Variants in IFT80 observed in about 807,000 individuals in gnomAD.
IFT80 encodes intraflagellar transport protein 80 homolog.
A neutral mutation model predicts 107.9 loss-of-function variants in IFT80; 79 were observed. That is an observed-to-expected ratio of 0.73 (90% CI 0.61 to 0.88). The LOEUF is 0.88. Among genes scored for constraint, IFT80 ranks in the 40% least tolerant of loss-of-function variants. The pLI is 0.00. For missense variants in IFT80, 797 were observed against 914.2 expected, an observed-to-expected ratio of 0.87 and a Z score of 1.65; for synonymous variants, 299 against 300.9, an observed-to-expected ratio of 0.99 and a Z score of 0.07.
rs900730077 is a variant in IFT80, at chr3:160,381,625, T to A, written c.137A>T (p.Glu46Val). 4 of 1,612,990 alleles carry A rather than the reference T, an allele frequency of 2.5e-6. No homozygotes were observed. The Admixed American group carries it at 5.0e-5, about 20-fold the overall frequency. The part of the protein sequence containing the change: ...QIVKWNLLTS[E>V]TTQIVKLPDD... ...AGGAAGCTTTACTATTTGAGTTGTT[T>A]CACTGGTTAACAAGTTCCACTTCAC... The change falls in exon 3 of 20, where the codon GAA becomes GTA. Residue 46 changes from glutamate (E) to valine (V), a missense_variant. Physicochemically the swap from Glu to Val is moderately radical, Grantham distance 121. Coordinates refer to ENST00000326448, the MANE Select transcript of IFT80 (RefSeq NM_020800.3).
chr3:160,357,451 A>T lies in IFT80; in HGVS notation c.639+38T>A, dbSNP rs1490451555. 4 of 1,101,522 alleles carry T rather than the reference A, an allele frequency of 3.6e-6. No homozygotes were observed. In the African/African-American group the frequency reaches 6.2e-5, roughly 17 times the overall value. 68.2% of individuals were successfully genotyped at this position (1,101,522 alleles called of 1,614,324 possible). A position where few individuals can be genotyped will look rare whatever the true frequency, so the allele number is the denominator to read the frequency against. On this transcript the variant is annotated intron_variant, in intron 7 of 19. Coordinates refer to ENST00000326448, the MANE Select transcript of IFT80 (RefSeq NM_020800.3). ...TATATGCTAAGTACTTATAAATTTG[A>T]TTATTTCAGCCAAGTGATAAATCTA... is the stretch of plus-strand genomic sequence containing the variant.
chr3:160,311,251 G>T (rs1052060028), intron 9 of IFT80, among the ~76,000 whole-genome samples: 13 of 152,160 alleles, frequency 8.5e-5, no homozygotes, highest in African/African-American at 3.1e-4. Flanking sequence ...CAAATAAATT[G>T]TAAGTAAATA....
At chr3:160,268,021 C>T (rs901867759) in intron 19 of IFT80, among the ~76,000 whole-genome samples, 10 of 152,176 alleles carry the variant, frequency 6.6e-5, no homozygotes, top group African/African-American at 2.4e-4. Flanking sequence ...TACAAAGTGA[C>T]CAACTATGCA....
At chr3:160,384,324 A>C in intron 2 of IFT80, 1 of 1,027,242 alleles carries the variant, frequency 9.7e-7, no homozygotes, top group Non-Finnish European at 1.2e-6. Flanking sequence ...TAAGTATAGT[A>C]CTTAAGTAGA....
Position 160,327,092 on chromosome 3 carries a change from A to C in IFT80, c.778-7153T>G, listed in dbSNP as rs571377757. On this transcript the variant is annotated intron_variant, in intron 8 of 19. Coordinates refer to ENST00000326448, the MANE Select transcript of IFT80 (RefSeq NM_020800.3). ...CATTCACAACTGTCACAAAAAGAATAAAATACCTAGGAATACAGCTAACAA... is the reference window on the plus strand; with the variant it reads ...CATTCACAACTGTCACAAAAAGAATCAAATACCTAGGAATACAGCTAACAA... Among the ~76,000 whole-genome samples the C allele has an allele frequency of 1.3e-3, 199 of 152,268 alleles. 1 individual carries two copies. The highest frequency in any genetic ancestry group is 4.6e-3 in the African/African-American group (191 of 41,562).
chr3:160,294,919 T>C (rs1038849875), intron 12 of IFT80, among the ~76,000 whole-genome samples: 1 of 152,244 alleles, frequency 6.6e-6, no homozygotes, highest in Non-Finnish European at 1.5e-5. Context: ...TTAAAGTAGA[T>C]GATTATTTTA....
chr3:160,329,930 C>T (rs968282108), intron 8 of IFT80, among the ~76,000 whole-genome samples: 1 of 152,040 alleles, frequency 6.6e-6, no homozygotes, highest in Non-Finnish European at 1.5e-5. Context: ...ACTTATCTTA[C>T]TTATCTCTTT....
Position 160,357,514 on chromosome 3 carries a change from GATAAA to G in IFT80, c.609_613del (p.Leu204CysfsTer3). On this transcript the variant is annotated frameshift_variant, in exon 7 of 20. Transcript: ENST00000326448. LOFTEE classifies it high-confidence loss of function. ...CTTATATTTACAGTCTTCACCAGCA[GATAAA>G]ATAAGATCATTGACCGAGTTCCAAT... is the stretch of plus-strand genomic sequence containing the variant. 1 of 1,580,710 alleles carries G rather than the reference GATAAA, an allele frequency of 6.3e-7. No homozygotes were observed. The highest frequency in any genetic ancestry group is 8.7e-7 in the Non-Finnish European group (1 of 1,150,276).
intron 1 of IFT80, 129 bp from the exon 2 acceptor site, chr3:160,384,775 A>C: frequency 1.6e-6 from 1 of 644,368 alleles, no homozygotes; most frequent in South Asian, 2.0e-5. Flanking sequence ...CATCAAGTAC[A>C]TGGAAAGAGA....
At position 160,363,320 on chromosome 3, in the gene IFT80, C is replaced by CCT. The variant is rs554950243; in HGVS notation, c.549+2721_549+2722dup. On this transcript the variant is annotated intron_variant, in intron 6 of 19. Coordinates refer to ENST00000326448, the MANE Select transcript of IFT80 (RefSeq NM_020800.3). ...TCCAACTTACAACGGATGTGAGGGA[C>CCT]CTCTTAAAGGAGAACTACAAACCAC... is the stretch of plus-strand genomic sequence containing the variant. Among the ~76,000 whole-genome samples the CCT allele has an allele frequency of 9.5e-4, 145 of 152,188 alleles. 2 individuals carry two copies. Among genetic ancestry groups the CCT allele is most frequent in the Admixed American group, 2.3e-3 (35 of 15,280 alleles).
intron 9 of IFT80, among the ~76,000 whole-genome samples, chr3:160,309,797 G>T (rs1717110123): frequency 6.6e-6 from 1 of 151,290 alleles, no homozygotes; most frequent in East Asian, 1.9e-4. Flanking sequence ...AAAAAAACAA[G>T]AAATCTTAAA....
Position 160,291,621 on chromosome 3 carries a change from C to A in IFT80, c.1316-5753G>T, listed in dbSNP as rs577018493. Among the ~76,000 whole-genome samples the A allele has an allele frequency of 1.2e-4, 18 of 152,282 alleles. No homozygotes were observed. The South Asian group carries it at 3.5e-3, about 30-fold the overall frequency. On this transcript the variant is annotated intron_variant, in intron 12 of 19. Transcript: ENST00000326448. The stretch of plus-strand genomic sequence containing the variant: ...ACAGAAGAAGGTGAAAACAAATAAG[C>A]GTGGTGGGCTGCACTGCATGCTGTT...
At chr3:160,383,369 TA>T (rs1576900346) in intron 2 of IFT80, 2 of 724,472 alleles carry the variant, frequency 2.8e-6, no homozygotes, top group East Asian at 2.6e-4. Context: ...TAAGGGGGAA[TA>T]AAAATAATTA....
chr3:160,299,326 G>T, intron 12 of IFT80: 1 of 697,470 alleles, frequency 1.4e-6, no homozygotes, highest in Non-Finnish European at 1.9e-6. Context: ...TTTCCTGCCA[G>T]TATAAGAGGT....
chr3:160,296,662 A>T (rs1164683557), intron 12 of IFT80, among the ~76,000 whole-genome samples: 1 of 151,942 alleles, frequency 6.6e-6, no homozygotes. Context: ...TACAACTCCT[A>T]CCCATTCTTC....
At chr3:160,287,149 C>A (rs1715152432) in intron 12 of IFT80, among the ~76,000 whole-genome samples, 1 of 152,142 alleles carries the variant, frequency 6.6e-6, no homozygotes, top group African/African-American at 2.4e-5. Flanking sequence ...CACTGATGAG[C>A]TGGGAAGGTG....
At chr3:160,287,630 G>A (rs1240716978) in intron 12 of IFT80, among the ~76,000 whole-genome samples, 1 of 152,160 alleles carries the variant, frequency 6.6e-6, no homozygotes, top group African/African-American at 2.4e-5. Flanking sequence ...GGAGGTAAAA[G>A]TTACCAGTGA....
intron 12 of IFT80, among the ~76,000 whole-genome samples, chr3:160,297,186 G>C (rs1716048860): frequency 6.6e-6 from 1 of 151,896 alleles, no homozygotes; most frequent in South Asian, 2.1e-4. Context: ...TTTCACCAAG[G>C]CTTCTCTTAG....
At chr3:160,285,706 T>G (rs530274221) in intron 13 of IFT80, 98 bp downstream of exon 13, 2 of 854,732 alleles carry the variant, frequency 2.3e-6, no homozygotes, top group Non-Finnish European at 3.7e-6. Flanking sequence ...AATAAAAAAC[T>G]AATTCCTTTG....
Sources: allele counts gnomAD v4.1 joint callset (sites outside exome capture counted in the v4.1 genomes callset), GRCh38; gene constraint gnomAD v4.1.1; transcripts MANE v1.5; gene names NCBI Gene and HGNC (gene_info 2026-07-23, HGNC 2026-07-21).